The following LSAMP variants were observed in gnomAD, a reference collection of about 807,000 sequenced individuals.
LSAMP encodes the protein limbic system associated membrane protein.
In LSAMP, 7 loss-of-function variants were observed where a neutral mutation model predicts 38.6. The ratio of observed to expected loss-of-function variants is 0.18; its 90% CI spans 0.10 to 0.34. The LOEUF (loss-of-function observed/expected upper bound fraction) is 0.34, where lower values mean the gene tolerates loss of function less well. Ranked by LOEUF, LSAMP falls within the 10% of genes least tolerant of loss-of-function variation. The pLI is 1.00. For synonymous variants in LSAMP, 154 were observed against 166.8 expected (o/e 0.92, Z 0.59); for missense variants, 313 against 420.0 (o/e 0.75, Z 2.23).
At chr3:116,159,958 T>C (rs1709843500) in intron 1 of LSAMP, among the ~76,000 whole-genome samples, 1 of 152,178 alleles carries the variant, frequency 6.6e-6, no homozygotes, top group East Asian at 1.9e-4. Context: ...GCCATTAACC[T>C]AAGCTAACTC....
intron 1 of LSAMP, among the ~76,000 whole-genome samples, chr3:116,107,300 G>A (rs914663026): frequency 6.6e-6 from 1 of 152,202 alleles, no homozygotes; most frequent in Non-Finnish European, 1.5e-5. Flanking sequence ...CGTCAGGTAT[G>A]AGGAAGAAAA....
chr3:115,984,223 GAAAA>G (rs112437748), intron 3 of LSAMP, among the ~76,000 whole-genome samples: 6 of 148,086 alleles, frequency 4.1e-5, no homozygotes, highest in Admixed American at 6.7e-5. Flanking sequence ...TATTCACAAA[GAAAA>G]AAAAAATCAG....
chr3:116,395,785 TG>T (rs1171004394), intron 1 of LSAMP, among the ~76,000 whole-genome samples: 1 of 152,196 alleles, frequency 6.6e-6, no homozygotes, highest in Non-Finnish European at 1.5e-5. Context: ...TTTTCCCTTC[TG>T]TAGGATAGCA....
intron 1 of LSAMP, among the ~76,000 whole-genome samples, chr3:116,157,687 G>T (rs1009847887): frequency 6.6e-6 from 1 of 151,904 alleles, no homozygotes; most frequent in Non-Finnish European, 1.5e-5. Flanking sequence ...TATCAATAAT[G>T]ATTTTGAAAC....
At chr3:116,214,224 T>G (rs527458781) in intron 1 of LSAMP, among the ~76,000 whole-genome samples, 18 of 152,348 alleles carry the variant, frequency 1.2e-4, no homozygotes, top group African/African-American at 4.1e-4. Context: ...AAATTATGAC[T>G]CAAAATAAAG....
At chr3:116,274,987 T>G (rs1009939890) in intron 1 of LSAMP, among the ~76,000 whole-genome samples, 5 of 148,304 alleles carry the variant, frequency 3.4e-5, no homozygotes, top group Non-Finnish European at 5.9e-5. Context: ...CCAGAGCAAC[T>G]TTTATTTTTG....
chr3:115,833,359 G>GTTTTT (rs59072688), intron 6 of LSAMP, among the ~76,000 whole-genome samples: 2 of 128,088 alleles, frequency 1.6e-5, no homozygotes, highest in African/African-American at 5.7e-5. Flanking sequence ...TTTTAGGGAA[G>GTTTTT]TTTTTTTTTT....
chr3:116,064,136 T>C (rs1350290856), intron 2 of LSAMP, among the ~76,000 whole-genome samples: 1 of 152,202 alleles, frequency 6.6e-6, no homozygotes, highest in East Asian at 1.9e-4. Context: ...TCTTCCTCTT[T>C]AACATCATAA....
chr3:115,855,667 T>A (rs1935484625), intron 3 of LSAMP, among the ~76,000 whole-genome samples: 1 of 152,198 alleles, frequency 6.6e-6, no homozygotes, highest in African/African-American at 2.4e-5. Flanking sequence ...CATCCAACAA[T>A]TCTCCTGCTC....
chr3:116,357,562 T>C (rs1051004149), intron 1 of LSAMP, among the ~76,000 whole-genome samples: 1 of 152,128 alleles, frequency 6.6e-6, no homozygotes. Context: ...ATACTAGGTA[T>C]AGAGGATTGC....
At chr3:115,854,762 T>G (rs1935455122) in intron 3 of LSAMP, among the ~76,000 whole-genome samples, 1 of 152,194 alleles carries the variant, frequency 6.6e-6, no homozygotes, top group Non-Finnish European at 1.5e-5. Context: ...GCCAACTATT[T>G]GATGCTAAGA....
At chr3:116,394,684 C>CTT (rs112907003) in intron 1 of LSAMP, among the ~76,000 whole-genome samples, 17,131 of 152,194 alleles carry the variant, frequency 0.11, 1,355 homozygotes, top group African/African-American at 0.23. Flanking sequence ...TATCAAGTGA[C>CTT]TTTTTATTCT....
At chr3:115,974,777 G>A (rs183612669) in intron 3 of LSAMP, among the ~76,000 whole-genome samples, 41 of 151,960 alleles carry the variant, frequency 2.7e-4, no homozygotes, top group Non-Finnish European at 4.6e-4. Flanking sequence ...ACAGTGTGGA[G>A]TTTTTTGAAA....
At chr3:116,178,469 A>G (rs1710406140) in intron 1 of LSAMP, among the ~76,000 whole-genome samples, 1 of 152,172 alleles carries the variant, frequency 6.6e-6, no homozygotes, top group African/African-American at 2.4e-5. Context: ...CGCCCGGCCA[A>G]AAGAGATGAG....
intron 1 of LSAMP, among the ~76,000 whole-genome samples, chr3:116,127,035 TTTAA>T (rs1265646586): frequency 6.6e-6 from 1 of 152,252 alleles, no homozygotes; most frequent in Non-Finnish European, 1.5e-5. Context: ...TGGTTTAGAC[TTTAA>T]TTATTTATGT....
At chr3:116,056,601 A>G (rs1424803084) in intron 2 of LSAMP, among the ~76,000 whole-genome samples, 3 of 152,170 alleles carry the variant, frequency 2.0e-5, no homozygotes, top group African/African-American at 7.2e-5. Flanking sequence ...CTCTCTGAGC[A>G]TAACGCTTAT....
chr3:116,074,160 A>G (rs1424465841), intron 2 of LSAMP, among the ~76,000 whole-genome samples: 2 of 152,148 alleles, frequency 1.3e-5, no homozygotes, highest in Non-Finnish European at 2.9e-5. Flanking sequence ...TTCTAATTCT[A>G]AGGTAGGTGC....
chr3:116,040,934 C>T (rs1941157740), intron 2 of LSAMP, among the ~76,000 whole-genome samples: 1 of 151,862 alleles, frequency 6.6e-6, no homozygotes, highest in South Asian at 2.1e-4. Context: ...TATTTATTTA[C>T]TTTTTTGGAG....
At chr3:116,317,536 C>T (rs1374304906) in intron 1 of LSAMP, among the ~76,000 whole-genome samples, 3 of 151,590 alleles carry the variant, frequency 2.0e-5, no homozygotes, top group Admixed American at 1.3e-4. Flanking sequence ...TTTGTATTTT[C>T]AGTAGAGACG....
Sources: gnomAD v4.1 joint callset for allele counts (sites outside exome capture counted in the v4.1 genomes callset) on GRCh38, gnomAD v4.1.1 for gene constraint, MANE v1.5 for transcripts, NCBI Gene and HGNC (gene_info 2026-07-23, HGNC 2026-07-21) for gene names.